VSIG10: variants seen among roughly 807,000 people sequenced by gnomAD.
VSIG10 encodes V-set and immunoglobulin domain containing 10.
Under a neutral mutation model 58.7 loss-of-function variants are expected in VSIG10, and 48 were observed. The observed-to-expected ratio is 0.82, with a 90% CI of 0.65 to 1.04. The LOEUF (loss-of-function observed/expected upper bound fraction) is 1.04. Ranked by LOEUF, VSIG10 falls within the 50% of genes least tolerant of loss-of-function variation. VSIG10 has a pLI of 0.00. For missense variants in VSIG10, 628 were observed against 670.0 expected, an observed-to-expected ratio of 0.94 and a Z score of 0.69; for synonymous variants, 260 against 267.1, an observed-to-expected ratio of 0.97 and a Z score of 0.26.
intron 4 of VSIG10, among the ~76,000 whole-genome samples, chr12:118,076,726 G>A (rs2032743799): frequency 1.3e-5 from 2 of 151,870 alleles, no homozygotes; most frequent in African/African-American, 2.4e-5. Flanking sequence ...TGGAGTGACC[G>A]CTCACTGCAG....
At chr12:118,080,551 C>T (rs1236268791) in intron 3 of VSIG10, among the ~76,000 whole-genome samples, 3 of 152,130 alleles carry the variant, frequency 2.0e-5, no homozygotes, top group East Asian at 1.9e-4. Flanking sequence ...TAAAGATTCA[C>T]ACGCTACTTG....
At chr12:118,072,074 CAGGAG>C (rs1268999666) in intron 5 of VSIG10, among the ~76,000 whole-genome samples, 1 of 152,142 alleles carries the variant, frequency 6.6e-6, no homozygotes, top group African/African-American at 2.4e-5. Flanking sequence ...GAGGCTGAGG[CAGGAG>C]AATCACTTGA....
intron 1 of VSIG10, among the ~76,000 whole-genome samples, chr12:118,097,694 G>A (rs112114538): frequency 0.046 from 7,008 of 151,160 alleles, 209 homozygotes; most frequent in Middle Eastern, 0.12. Context: ...AGGCTGAGGC[G>A]GTGGATCACC....
chr12:118,082,112 G>A lies in VSIG10; in HGVS notation c.664+15C>T, dbSNP rs1216001464. 1 of 1,609,374 alleles carries A rather than the reference G, an allele frequency of 6.2e-7. No homozygotes were observed. The highest frequency in any genetic ancestry group is 1.3e-5 in the African/African-American group (1 of 74,904). ...TAAGGGGAAGAAGCGGGGCAGAGGA[G>A]TGCTGCTTACGCACAGTAGACCAGG... On this transcript the variant is annotated intron_variant, in intron 3 of 8. Transcript: ENST00000359236.
intron 6 of VSIG10, 48 bp downstream of exon 6, chr12:118,071,311 C>A (rs754416831): frequency 3.2e-6 from 5 of 1,572,176 alleles, no homozygotes; most frequent in Admixed American, 1.7e-5. Flanking sequence ...CATCCCGCAC[C>A]TTTTCAAAAG....
intron 2 of VSIG10, 129 bp from the exon 3 acceptor site, chr12:118,082,558 G>C: frequency 1.1e-6 from 1 of 948,270 alleles, no homozygotes; most frequent in Non-Finnish European, 1.5e-6. Context: ...AATACTAGGT[G>C]ACAAATGCTA....
intron 1 of VSIG10, among the ~76,000 whole-genome samples, chr12:118,098,924 T>TTGG (rs112334514): frequency 6.8e-6 from 1 of 147,856 alleles, no homozygotes; most frequent in Non-Finnish European, 1.5e-5. Flanking sequence ...AGATGGGGGT[T>TTGG]GGGGGGGGTC....
At chr12:118,084,243 C>G (rs1011591095) in intron 2 of VSIG10, among the ~76,000 whole-genome samples, 1 of 152,166 alleles carries the variant, frequency 6.6e-6, no homozygotes, top group African/African-American at 2.4e-5. Context: ...CCTTACCCAC[C>G]ACAAATATAG....
intron 5 of VSIG10, 53 bp from the exon 6 acceptor site, chr12:118,071,522 G>A (rs764682670): frequency 4.0e-6 from 6 of 1,494,296 alleles, no homozygotes; most frequent in Non-Finnish European, 5.6e-6. Flanking sequence ...TGTGCAATTA[G>A]AACAACACCT....
chr12:118,089,717 C>T (rs1282749613), intron 2 of VSIG10, among the ~76,000 whole-genome samples: 1 of 152,128 alleles, frequency 6.6e-6, no homozygotes, highest in African/African-American at 2.4e-5. Context: ...TTGGCAGAAA[C>T]CTTAGACATC....
intron 4 of VSIG10, among the ~76,000 whole-genome samples, chr12:118,075,997 G>A (rs946123442): frequency 1.3e-5 from 2 of 152,148 alleles, no homozygotes; most frequent in African/African-American, 2.4e-5. Context: ...GTATCCATAA[G>A]CCTTCCTTCT....
chr12:118,091,460 C>A (rs529420014), intron 2 of VSIG10, among the ~76,000 whole-genome samples: 3 of 151,598 alleles, frequency 2.0e-5, no homozygotes, highest in Non-Finnish European at 2.9e-5. Context: ...CCACTGCACT[C>A]CAGCCTGGGC....
At chr12:118,103,532 G>A in intron 1 of VSIG10, 61 bp downstream of exon 1, 2 of 1,449,206 alleles carry the variant, frequency 1.4e-6, no homozygotes, top group South Asian at 2.6e-5. Flanking sequence ...GTCTCTCGCT[G>A]TCCCCTCCCC....
intron 2 of VSIG10, among the ~76,000 whole-genome samples, chr12:118,092,888 A>T (rs1405719500): frequency 6.6e-6 from 1 of 152,038 alleles, no homozygotes. Flanking sequence ...CGTCCGCCTC[A>T]GCCTCCCAAA....
At chr12:118,103,529 G>A in intron 1 of VSIG10, 64 bp downstream of exon 1, 3 of 1,441,276 alleles carry the variant, frequency 2.1e-6, no homozygotes, top group Non-Finnish European at 1.8e-6. Flanking sequence ...TGGGTCTCTC[G>A]CTGTCCCCTC....
At chr12:118,076,916 C>T (rs899143369) in intron 4 of VSIG10, among the ~76,000 whole-genome samples, 9 of 152,186 alleles carry the variant, frequency 5.9e-5, no homozygotes, top group African/African-American at 2.2e-4. Context: ...GCCTCTGACT[C>T]CCAAAGTGCT....
intron 1 of VSIG10, among the ~76,000 whole-genome samples, chr12:118,096,673 G>C (rs752783986): frequency 1.3e-5 from 2 of 150,744 alleles, no homozygotes; most frequent in African/African-American, 2.4e-5. Flanking sequence ...CGCCGGCCTC[G>C]GCCTCCCAAA....
intron 1 of VSIG10, chr12:118,103,322 C>T: frequency 2.8e-6 from 1 of 354,848 alleles, no homozygotes. Context: ...TTTGCCCCCG[C>T]ACGTCGGCTC....
chr12:118,097,192 T>TG (rs1366389236), intron 1 of VSIG10, among the ~76,000 whole-genome samples: 3 of 152,096 alleles, frequency 2.0e-5, no homozygotes, highest in Admixed American at 6.5e-5. Flanking sequence ...CCCACATCAC[T>TG]GGGGGGCCAT....
Sources: allele counts gnomAD v4.1 joint callset (sites outside exome capture counted in the v4.1 genomes callset), GRCh38; gene constraint gnomAD v4.1.1; transcripts MANE v1.5; gene names NCBI Gene and HGNC (gene_info 2026-07-23, HGNC 2026-07-21).